The following SLC44A1 variants were observed in gnomAD, a reference collection of about 807,000 sequenced individuals.
SLC44A1 encodes the protein solute carrier family 44 member 1.
Under a neutral mutation model 79.3 loss-of-function variants are expected in SLC44A1, and 26 were observed. The ratio of observed to expected loss-of-function variants is 0.33; its 90% CI spans 0.24 to 0.46. SLC44A1 has a LOEUF of 0.46. SLC44A1 is among the 20% of genes least tolerant of loss of function. The pLI is 1.00. For missense variants in SLC44A1, 688 were observed against 798.1 expected, an observed-to-expected ratio of 0.86 and a Z score of 1.66; for synonymous variants, 263 against 286.2, an observed-to-expected ratio of 0.92 and a Z score of 0.82.
chr9:105,348,840 T>C (rs1485979890), intron 5 of SLC44A1, among the ~76,000 whole-genome samples: 2 of 152,166 alleles, frequency 1.3e-5, no homozygotes, highest in Non-Finnish European at 2.9e-5. Context: ...ACTGGGATTG[T>C]TTTAAATTTA....
At chr9:105,333,700 C>T (rs1826823678) in intron 3 of SLC44A1, among the ~76,000 whole-genome samples, 1 of 151,952 alleles carries the variant, frequency 6.6e-6, no homozygotes, top group African/African-American at 2.4e-5. Context: ...ATTCCAGCTA[C>T]TCAGGAGGCT....
At chr9:105,340,583 C>T (rs945151024) in intron 4 of SLC44A1, among the ~76,000 whole-genome samples, 2 of 152,022 alleles carry the variant, frequency 1.3e-5, no homozygotes, top group Admixed American at 6.6e-5. Flanking sequence ...TGAAAGAGTC[C>T]CACTTGAGGT....
At chr9:105,282,401 C>T (rs1326373413) in intron 1 of SLC44A1, among the ~76,000 whole-genome samples, 1 of 151,944 alleles carries the variant, frequency 6.6e-6, no homozygotes, top group Non-Finnish European at 1.5e-5. Flanking sequence ...CATATGTTTT[C>T]TTGTGAATGT....
Position 105,389,266 on chromosome 9 carries a change from ACTC to A in SLC44A1, c.*213_*215del. On this transcript the variant is annotated 3_prime_UTR_variant, in exon 16 of 16. Coordinates refer to ENST00000374720, the MANE Select transcript of SLC44A1 (RefSeq NM_080546.5). ...TTATGCTTATTTTTGTCAAACATGT[ACTC>A]CTTTCATACGGGTGGCTTTTACAAG... The A allele has an allele frequency of 8.1e-7, 1 of 1,239,886 alleles. No individual in the cohort carries two copies. The highest frequency in any genetic ancestry group is 3.9e-5 in the Admixed American group (1 of 25,696). 76.8% of individuals were successfully genotyped at this position (1,239,886 alleles called of 1,614,324 possible). A position where few individuals can be genotyped will look rare whatever the true frequency, so the allele number is the denominator to read the frequency against.
intron 5 of SLC44A1, among the ~76,000 whole-genome samples, chr9:105,354,882 A>G (rs185741913): frequency 1.3e-5 from 2 of 152,354 alleles, no homozygotes; most frequent in East Asian, 3.9e-4. Context: ...TTCAGGTCAT[A>G]CAAAGTTGCT....
At chr9:105,375,359 T>A (rs1273972568) in intron 13 of SLC44A1, among the ~76,000 whole-genome samples, 1 of 152,188 alleles carries the variant, frequency 6.6e-6, no homozygotes, top group Non-Finnish European at 1.5e-5. Context: ...TGTTTTGAAC[T>A]GTAAAGAATT....
Position 105,283,196 on chromosome 9 carries a change from G to C in SLC44A1, c.37-16024G>C, listed in dbSNP as rs553611276. ...ATGGAGCGGGTGCTGAAGGTTGGTT[G>C]ATTGTGGAGAAACAACCTTGTTTTA... On this transcript the variant is annotated intron_variant, in intron 1 of 15. Coordinates refer to ENST00000374720, the MANE Select transcript of SLC44A1 (RefSeq NM_080546.5). Among the ~76,000 whole-genome samples the C allele has an allele frequency of 3.9e-5, 6 of 152,312 alleles. No individual in the cohort carries two copies. The South Asian group carries it at 1.2e-3, about 32-fold the overall frequency.
chr9:105,385,765 T>G, intron 15 of SLC44A1: 1 of 985,428 alleles, frequency 1.0e-6, no homozygotes, highest in Non-Finnish European at 1.2e-6. Flanking sequence ...GGATGATGGT[T>G]TTTTCCCTAA....
At position 105,395,187 on chromosome 9, in the gene SLC44A1, C is replaced by CT. The variant is rs1828850711; in HGVS notation, c.*6131_*6132insT. The CT allele has an allele frequency of 1.0e-6, 1 of 985,094 alleles. No homozygotes were observed. Among genetic ancestry groups the CT allele is most frequent in the Admixed American group, 6.2e-5 (1 of 16,258 alleles). The allele number at this position is 985,094 out of a possible 1,614,324, so 61.0% of individuals were successfully genotyped here. ...AAAGTCAGCCCCCTACCCCACCCCA[C>CT]ACTCCTAGAAAAGTTTGGGGGTTTT... On this transcript the variant is annotated 3_prime_UTR_variant, in exon 16 of 16. Coordinates refer to ENST00000374720, the MANE Select transcript of SLC44A1 (RefSeq NM_080546.5).
intron 1 of SLC44A1, among the ~76,000 whole-genome samples, chr9:105,250,821 C>G (rs1265848916): frequency 6.6e-6 from 1 of 152,132 alleles, no homozygotes; most frequent in Non-Finnish European, 1.5e-5. Flanking sequence ...GGTCCTATTC[C>G]CAAAGATTCT....
In SLC44A1 at chr9:105,392,740, C is replaced by G; in HGVS notation, c.*3684C>G. The G allele has an allele frequency of 2.0e-6, 2 of 985,342 alleles. No homozygotes were observed. The highest frequency in any genetic ancestry group is 1.7e-5 in the African/African-American group (1 of 57,348). 61.0% of individuals were successfully genotyped at this position (985,342 alleles called of 1,614,324 possible). A position where few individuals can be genotyped will look rare whatever the true frequency, so the allele number is the denominator to read the frequency against. On this transcript the variant is annotated 3_prime_UTR_variant, in exon 16 of 16. Coordinates refer to ENST00000374720, the MANE Select transcript of SLC44A1 (RefSeq NM_080546.5). ...ACTAACAGCCATTTTAAGAGATCTC[C>G]TAGCCTGCAAGGTAGAATTCTGGGA...
At chr9:105,257,121 A>C (rs1443519461) in intron 1 of SLC44A1, among the ~76,000 whole-genome samples, 1 of 146,732 alleles carries the variant, frequency 6.8e-6, no homozygotes, top group Non-Finnish European at 1.5e-5. Flanking sequence ...TTTGAGACGG[A>C]GTTTCGCTCT....
intron 7 of SLC44A1, among the ~76,000 whole-genome samples, chr9:105,359,970 A>G (rs1244176487): frequency 6.6e-6 from 1 of 152,182 alleles, no homozygotes; most frequent in African/African-American, 2.4e-5. Context: ...TATATCCCAG[A>G]CATTTATCAT....
chr9:105,422,952 C>T (rs1030516129), intron 15 of SLC44A1, among the ~76,000 whole-genome samples: 3 of 152,140 alleles, frequency 2.0e-5, no homozygotes, highest in Non-Finnish European at 4.4e-5. Flanking sequence ...ATCTCCTAAC[C>T]CCTAGCAAGG....
chr9:105,291,953 A>T (rs977021655), intron 1 of SLC44A1, among the ~76,000 whole-genome samples: 29 of 152,280 alleles, frequency 1.9e-4, no homozygotes, highest in African/African-American at 6.5e-4. Flanking sequence ...TATACCTCCC[A>T]GTTGATCAGA....
intron 3 of SLC44A1, among the ~76,000 whole-genome samples, chr9:105,325,893 T>G (rs946433540): frequency 1.3e-5 from 2 of 152,184 alleles, no homozygotes; most frequent in Admixed American, 6.5e-5. Flanking sequence ...TTTACACAGG[T>G]GAATTTTATG....
chr9:105,330,423 T>G (rs576572330), intron 3 of SLC44A1, among the ~76,000 whole-genome samples: 4 of 152,236 alleles, frequency 2.6e-5, no homozygotes, highest in African/African-American at 9.6e-5. Context: ...AAGTAAATTA[T>G]TGGTGAATCT....
intron 5 of SLC44A1, among the ~76,000 whole-genome samples, chr9:105,352,479 T>C (rs963438916): frequency 3.3e-5 from 5 of 152,194 alleles, no homozygotes; most frequent in Admixed American, 6.5e-5. Flanking sequence ...GAGGGACTAA[T>C]TAAAAATTTT....
chr9:105,329,963 G>A (rs115695086), intron 3 of SLC44A1, among the ~76,000 whole-genome samples: 4 of 152,046 alleles, frequency 2.6e-5, no homozygotes, highest in Admixed American at 6.5e-5. Flanking sequence ...CTATCACATG[G>A]TTTTTAAATG....
Sources: allele counts gnomAD v4.1 joint callset (sites outside exome capture counted in the v4.1 genomes callset), GRCh38; gene constraint gnomAD v4.1.1; transcripts MANE v1.5; gene names NCBI Gene and HGNC (gene_info 2026-07-23, HGNC 2026-07-21).